ABLIM1: variants seen among roughly 807,000 people sequenced by gnomAD.
ABLIM1 encodes actin binding LIM protein 1.
ABLIM1 carries 40 observed loss-of-function variants against 107.0 expected under a neutral mutation model. That is an observed-to-expected ratio of 0.37 (90% CI 0.29 to 0.49). ABLIM1 has a LOEUF of 0.49. Among genes scored for constraint, ABLIM1 ranks in the 20% least tolerant of loss-of-function variants. The pLI is 0.97. For missense variants in ABLIM1, 857 were observed against 1,008.5 expected, an observed-to-expected ratio of 0.85 and a Z score of 2.04; for synonymous variants, 357 against 357.3, an observed-to-expected ratio of 1.00 and a Z score of 0.01.
At chr10:114,547,920 G>T in intron 4 of ABLIM1, 144 bp from the exon 5 acceptor site, 1 of 1,176,022 alleles carries the variant, frequency 8.5e-7, no homozygotes, top group Non-Finnish European at 1.2e-6. Flanking sequence ...TTCTTTCCCT[G>T]CACAAAATCT....
At chr10:114,451,505 GC>G (rs1438447390) in intron 14 of ABLIM1, 118 bp downstream of exon 14, 1 of 916,826 alleles carries the variant, frequency 1.1e-6, no homozygotes, top group African/African-American at 1.6e-5. Flanking sequence ...GGCATAATAT[GC>G]TGGATGCCCC....
chr10:114,791,493 A>G, the ABLIM1 span, among the ~76,000 whole-genome samples: 1 of 151,550 alleles, frequency 6.6e-6, no homozygotes, highest in African/African-American at 2.4e-5. Flanking sequence ...AAAAAATTAG[A>G]CGGGCGTGGT....
chr10:114,767,564 G>C (rs1266083279), intron 1 of ABLIM1, among the ~76,000 whole-genome samples: 1 of 151,850 alleles, frequency 6.6e-6, no homozygotes, highest in Non-Finnish European at 1.5e-5. Flanking sequence ...AAAATGGGTG[G>C]GGAGTGGAAG....
upstream of ABLIM1, among the ~76,000 whole-genome samples, chr10:114,770,564 C>T (rs1255161418): frequency 6.6e-6 from 1 of 152,192 alleles, no homozygotes; most frequent in Non-Finnish European, 1.5e-5. Flanking sequence ...GAAAGGTTCT[C>T]CTTCTACCTT....
chr10:114,798,941 G>A, the ABLIM1 span, among the ~76,000 whole-genome samples: 1 of 151,988 alleles, frequency 6.6e-6, no homozygotes, highest in Non-Finnish European at 1.5e-5. Context: ...GACTACAGGT[G>A]CGTGCCACCA....
chr10:114,609,217 C>T (rs554619100), intron 1 of ABLIM1, among the ~76,000 whole-genome samples: 4 of 152,304 alleles, frequency 2.6e-5, no homozygotes, highest in African/African-American at 9.6e-5. Flanking sequence ...AAATACTCTA[C>T]TATTTATTTG....
chr10:114,653,617 C>T (rs187325138), intron 1 of ABLIM1, among the ~76,000 whole-genome samples: 1 of 152,258 alleles, frequency 6.6e-6, no homozygotes, highest in East Asian at 1.9e-4. Flanking sequence ...GAATGACAGC[C>T]GTTCTTCAAG....
chr10:114,635,389 C>T (rs975057239), intron 1 of ABLIM1, among the ~76,000 whole-genome samples: 9 of 152,244 alleles, frequency 5.9e-5, no homozygotes, highest in Admixed American at 2.0e-4. Flanking sequence ...AGTCCACTTC[C>T]TCATAGCTTA....
At chr10:114,654,679 C>T (rs1036174364) in intron 1 of ABLIM1, among the ~76,000 whole-genome samples, 1 of 152,204 alleles carries the variant, frequency 6.6e-6, no homozygotes, top group Non-Finnish European at 1.5e-5. Context: ...CCTGCCCTAA[C>T]CCCATTCCTT....
chr10:114,475,241 T>C (rs965535088), intron 8 of ABLIM1, among the ~76,000 whole-genome samples: 1 of 152,168 alleles, frequency 6.6e-6, no homozygotes, highest in Non-Finnish European at 1.5e-5. Flanking sequence ...CTGCTCCCTC[T>C]GCCTGAAATG....
intron 12 of ABLIM1, chr10:114,462,975 A>T: frequency 7.7e-7 from 1 of 1,296,080 alleles, no homozygotes; most frequent in South Asian, 1.2e-5. Flanking sequence ...GATACACCTT[A>T]TTAGCCTTCC....
chr10:114,490,306 T>A (rs1216267167), intron 7 of ABLIM1, among the ~76,000 whole-genome samples: 1 of 152,228 alleles, frequency 6.6e-6, no homozygotes, highest in Non-Finnish European at 1.5e-5. Flanking sequence ...TTCAGAGTGA[T>A]CATTCTAAAG....
chr10:114,627,640 T>C (rs976060657), intron 1 of ABLIM1, among the ~76,000 whole-genome samples: 4 of 152,172 alleles, frequency 2.6e-5, no homozygotes, highest in African/African-American at 9.7e-5. Context: ...TGTAGACATA[T>C]CTACTTTGAT....
intron 4 of ABLIM1, among the ~76,000 whole-genome samples, chr10:114,563,220 G>C (rs530156131): frequency 1.3e-5 from 2 of 152,160 alleles, no homozygotes; most frequent in African/African-American, 4.8e-5. Flanking sequence ...ATGGGATTTC[G>C]GGTGATCTTT....
chr10:114,547,549 C>T, intron 5 of ABLIM1, 101 bp downstream of exon 5: 1 of 1,469,094 alleles, frequency 6.8e-7, no homozygotes, highest in Non-Finnish European at 9.2e-7. Context: ...TGAACAATTT[C>T]AGCACCATTG....
intron 6 of ABLIM1, chr10:114,526,774 A>G (rs1228165084): frequency 2.0e-6 from 2 of 985,430 alleles, no homozygotes; most frequent in Non-Finnish European, 2.4e-6. Context: ...GCCAGACCTC[A>G]GCCCGACAGA....
chr10:114,663,009 C>T (rs532889425), upstream of ABLIM1, among the ~76,000 whole-genome samples: 9 of 152,338 alleles, frequency 5.9e-5, no homozygotes, highest in African/African-American at 1.9e-4. Flanking sequence ...TGAATCTCCT[C>T]CGTAGAATCA....
chr10:114,458,785 G>A (rs1459035349), intron 12 of ABLIM1, among the ~76,000 whole-genome samples: 2 of 152,198 alleles, frequency 1.3e-5, no homozygotes, highest in Non-Finnish European at 2.9e-5. Context: ...GACACAGAAT[G>A]TCATGTCTAG....
intron 8 of ABLIM1, among the ~76,000 whole-genome samples, chr10:114,480,344 T>C (rs540583467): frequency 1.3e-5 from 2 of 152,348 alleles, no homozygotes; most frequent in South Asian, 4.1e-4. Context: ...ATGTTATAAA[T>C]GCATACAATT....
Sources: allele counts gnomAD v4.1 joint callset (sites outside exome capture counted in the v4.1 genomes callset), GRCh38; gene constraint gnomAD v4.1.1; transcripts MANE v1.5; gene names NCBI Gene and HGNC (gene_info 2026-07-23, HGNC 2026-07-21).